CYP2C19: variants seen among roughly 807,000 people sequenced by gnomAD.
CYP2C19 encodes cytochrome P450 2C19.
CYP2C19 carries 59 observed loss-of-function variants against 40.9 expected under a neutral mutation model. That is an observed-to-expected ratio of 1.44 (90% CI 1.17 to 1.79). CYP2C19 has a LOEUF of 1.79. Among genes scored for constraint, CYP2C19 ranks in the 40% most tolerant of loss-of-function variants. CYP2C19 has a pLI of 0.00. For synonymous variants in CYP2C19, 253 were observed against 208.7 expected (o/e 1.21, Z -1.83); for missense variants, 754 against 596.9 (o/e 1.26, Z -2.74).
intron 5 of CYP2C19, among the ~76,000 whole-genome samples, chr10:94,802,787 A>C (rs1315520379): frequency 2.0e-5 from 3 of 152,172 alleles, no homozygotes. Flanking sequence ...TGGTGGTGAC[A>C]AAATCTTTCA....
chr10:94,791,464 T>C (rs541156929), intron 5 of CYP2C19, among the ~76,000 whole-genome samples: 2 of 152,144 alleles, frequency 1.3e-5, no homozygotes, highest in Non-Finnish European at 2.9e-5. Context: ...TGTTAGGGTG[T>C]CAAATTTAGA....
chr10:94,783,471 T>A (rs1848503620), intron 5 of CYP2C19, among the ~76,000 whole-genome samples: 1 of 152,122 alleles, frequency 6.6e-6, no homozygotes, highest in Non-Finnish European at 1.5e-5. Flanking sequence ...AGATAAGAAT[T>A]GGAATTTGGT....
intron 5 of CYP2C19, among the ~76,000 whole-genome samples, chr10:94,799,180 T>C (rs1341507693): frequency 6.6e-6 from 1 of 152,164 alleles, no homozygotes; most frequent in Non-Finnish European, 1.5e-5. Context: ...CTTCAGGAGC[T>C]CTTGTAAAGC....
At chr10:94,784,892 C>A (rs1191614649) in intron 5 of CYP2C19, among the ~76,000 whole-genome samples, 1 of 152,036 alleles carries the variant, frequency 6.6e-6, no homozygotes, top group Non-Finnish European at 1.5e-5. Flanking sequence ...GCCCAGCTCT[C>A]ATTGTGGTTT....
chr10:94,785,621 A>G (rs1412830069), intron 5 of CYP2C19, among the ~76,000 whole-genome samples: 1 of 152,158 alleles, frequency 6.6e-6, no homozygotes, highest in Non-Finnish European at 1.5e-5. Context: ...ATTAAGAAGA[A>G]ATTACTTAGG....
intron 6 of CYP2C19, among the ~76,000 whole-genome samples, chr10:94,840,604 G>T (rs753811708): frequency 4.6e-5 from 7 of 152,206 alleles, no homozygotes; most frequent in Non-Finnish European, 7.3e-5. Flanking sequence ...GAAAGTCGTG[G>T]TCAGGACCCA....
chr10:94,777,789 A>G (rs1848428412), intron 3 of CYP2C19, among the ~76,000 whole-genome samples: 1 of 152,172 alleles, frequency 6.6e-6, no homozygotes, highest in African/African-American at 2.4e-5. Context: ...AACAAAAGCC[A>G]AAATTGACAA....
At chr10:94,806,799 G>A (rs1848842484) in intron 5 of CYP2C19, among the ~76,000 whole-genome samples, 1 of 150,966 alleles carries the variant, frequency 6.6e-6, no homozygotes, top group Admixed American at 6.6e-5. Flanking sequence ...TTTATGGGGT[G>A]TACTGTAATA....
At chr10:94,824,355 AG>A (rs1310434265) in intron 6 of CYP2C19, among the ~76,000 whole-genome samples, 1 of 152,132 alleles carries the variant, frequency 6.6e-6, no homozygotes, top group African/African-American at 2.4e-5. Context: ...ATCTACAAAA[AG>A]ATAAGTAAGA....
chr10:94,774,214 T>A lies in CYP2C19; in HGVS notation c.169-844T>A, dbSNP rs938021913. ...GCAAGGCAGAATAATAGGGATGAGG[T>A]TAGTCCATGGGTAATTATTAGGGCA... On this transcript the variant is annotated intron_variant, in intron 1 of 8. Coordinates refer to ENST00000371321, the MANE Select transcript of CYP2C19 (RefSeq NM_000769.4). 3.3e-5 allele frequency: 5 copies of A among 152,086 alleles called. No individual in the cohort carries two copies. In the South Asian group the frequency reaches 6.2e-4, roughly 19 times the overall value. 9.4% of individuals were successfully genotyped at this position (152,086 alleles called of 1,614,324 possible).
intron 6 of CYP2C19, among the ~76,000 whole-genome samples, chr10:94,828,664 T>C (rs1458225781): frequency 2.0e-5 from 3 of 150,376 alleles, no homozygotes; most frequent in Non-Finnish European, 3.0e-5. Flanking sequence ...TCCATTTACA[T>C]TTAAAGTTAA....
chr10:94,783,227 G>A (rs1267072342), intron 5 of CYP2C19, among the ~76,000 whole-genome samples: 1 of 152,096 alleles, frequency 6.6e-6, no homozygotes. Context: ...ATGAAAATGG[G>A]CATCATTATT....
chr10:94,797,219 T>G (rs567708767), intron 5 of CYP2C19, among the ~76,000 whole-genome samples: 1 of 151,798 alleles, frequency 6.6e-6, no homozygotes, highest in South Asian at 2.1e-4. Flanking sequence ...TGAATTTTGT[T>G]GAAGGCCTTT....
intron 5 of CYP2C19, among the ~76,000 whole-genome samples, chr10:94,783,214 A>G (rs1848500872): frequency 6.6e-6 from 1 of 152,170 alleles, no homozygotes; most frequent in South Asian, 2.1e-4. Context: ...ATTATGTCAT[A>G]GGATGAAAAT....
Position 94,851,443 on chromosome 10 carries a change from CAAATAAATAAATAAATAAATAAATAAAT to C in CYP2C19, c.1292-1267_1292-1240del, listed in dbSNP as rs71031598. Among the ~76,000 whole-genome samples the C allele has an allele frequency of 3.3e-3, 477 of 143,086 alleles. 3 individuals are homozygous for C. The highest frequency in any genetic ancestry group is 0.012 in the African/African-American group (451 of 38,608). 93.9% of individuals were successfully genotyped at this position (143,086 alleles called of 152,430 possible). On this transcript the variant is annotated intron_variant, in intron 8 of 8. Coordinates refer to ENST00000371321, the MANE Select transcript of CYP2C19 (RefSeq NM_000769.4). ...CACAGAGACAAAGCATACCAGCACA[CAAATAAATAAATAAATAAATAAATAAAT>C]AAATAAATAAATAAATAAATAAGAA...
At chr10:94,852,616 C>T in intron 8 of CYP2C19, 117 bp from the exon 9 acceptor site, 1 of 1,108,660 alleles carries the variant, frequency 9.0e-7, no homozygotes, top group South Asian at 1.4e-5. Flanking sequence ...ACTCATCCCT[C>T]CTATGATTCA....
Position 94,842,981 on chromosome 10 carries a change from C to T in CYP2C19, c.1106C>T (p.Ala369Val), listed in dbSNP as rs761437596. ...CTCATCCCCACCAGCCTGCCCCATG[C>T]AGTGACCTGTGACGTTAAATTCAGA... ...IDLIPTSLPH[A>V]VTCDVKFRNY... Residue 369 changes from alanine (A) to valine (V), a missense_variant, in exon 7 of 9, where the codon GCA becomes GTA. Transcript: ENST00000371321. 4 of 1,614,104 alleles carry T rather than the reference C, an allele frequency of 2.5e-6. No individual in the cohort carries two copies. Among genetic ancestry groups the T allele is most frequent in the Non-Finnish European group, 3.4e-6 (4 of 1,180,052 alleles).
Position 94,853,273 on chromosome 10 carries a change from G to C in CYP2C19, c.*359G>C. The C allele has an allele frequency of 2.7e-6, 1 of 370,060 alleles. No individual in the cohort carries two copies. The highest frequency in any genetic ancestry group is 4.9e-6 in the Non-Finnish European group (1 of 204,516). The allele number at this position is 370,060 out of a possible 1,614,324, so 22.9% of individuals were successfully genotyped here. A position where few individuals can be genotyped will look rare whatever the true frequency, so the allele number is the denominator to read the frequency against. On this transcript the variant is annotated 3_prime_UTR_variant, in exon 9 of 9. Coordinates refer to ENST00000371321, the MANE Select transcript of CYP2C19 (RefSeq NM_000769.4). ...TATTATTTGCTGAGTCAGGTTATTA[G>C]ACCTTCCTTCCTTTGTGCATAATGC...
chr10:94,772,391 G>T (rs1157421796), intron 1 of CYP2C19, among the ~76,000 whole-genome samples: 1 of 152,126 alleles, frequency 6.6e-6, no homozygotes, highest in Non-Finnish European at 1.5e-5. Flanking sequence ...ATTCATGTAG[G>T]AGAAACTAGA....
Sources: allele counts gnomAD v4.1 joint callset (sites outside exome capture counted in the v4.1 genomes callset), GRCh38; gene constraint gnomAD v4.1.1; transcripts MANE v1.5; gene names NCBI Gene and HGNC (gene_info 2026-07-23, HGNC 2026-07-21).